IMMP2L: variants seen among roughly 807,000 people sequenced by gnomAD.
IMMP2L encodes the protein inner mitochondrial membrane peptidase subunit 2, also known as mitochondrial inner membrane protease subunit 2.
In IMMP2L, 18 loss-of-function variants were observed where a neutral mutation model predicts 19.3. The ratio of observed to expected loss-of-function variants is 0.93; its 90% CI spans 0.64 to 1.38. IMMP2L has a LOEUF of 1.38. Among genes scored for constraint, IMMP2L ranks in the 40% most tolerant of loss-of-function variants. The probability of loss-of-function intolerance (pLI) is 0.00; values close to 1 mark genes in which losing one functional copy is unlikely to be tolerated. For missense variants in IMMP2L, 233 were observed against 218.2 expected, an observed-to-expected ratio of 1.07 and a Z score of -0.43; for synonymous variants, 76 against 73.0, an observed-to-expected ratio of 1.04 and a Z score of -0.21.
At chr7:111,181,949 T>C (rs1807756929) in intron 3 of IMMP2L, among the ~76,000 whole-genome samples, 1 of 152,032 alleles carries the variant, frequency 6.6e-6, no homozygotes, top group Non-Finnish European at 1.5e-5. Flanking sequence ...AATAAAATTA[T>C]TGGGCTTCAA....
At chr7:110,791,480 T>C (rs1183899181) in intron 5 of IMMP2L, among the ~76,000 whole-genome samples, 8 of 150,492 alleles carry the variant, frequency 5.3e-5, no homozygotes, top group Non-Finnish European at 2.9e-5. Context: ...ATGATAATTA[T>C]TCTGACATAC....
chr7:110,837,546 A>G (rs1458883429), intron 5 of IMMP2L, among the ~76,000 whole-genome samples: 1 of 152,048 alleles, frequency 6.6e-6, no homozygotes, highest in African/African-American at 2.4e-5. Context: ...GGGAAGATGA[A>G]GTTATTATTA....
chr7:110,687,679 CT>C (rs145409584), intron 5 of IMMP2L, among the ~76,000 whole-genome samples: 28,919 of 151,958 alleles, frequency 0.19, 3,082 homozygotes, highest in Admixed American at 0.26. Context: ...AAATGTTACA[CT>C]TTTTGATGAA....
intron 1 of IMMP2L, among the ~76,000 whole-genome samples, chr7:111,530,053 A>T (rs962550209): frequency 3.9e-5 from 6 of 152,200 alleles, no homozygotes; most frequent in Non-Finnish European, 8.8e-5. Context: ...CTTCAGAAGC[A>T]GCATCAGCAA....
intron 5 of IMMP2L, among the ~76,000 whole-genome samples, chr7:110,784,817 G>A (rs1288834600): frequency 6.6e-6 from 1 of 151,790 alleles, no homozygotes; most frequent in African/African-American, 2.4e-5. Flanking sequence ...GCTCTACTTA[G>A]AGCTCCCCTG....
At chr7:110,850,661 A>C (rs77509222) in intron 5 of IMMP2L, among the ~76,000 whole-genome samples, 30 of 152,060 alleles carry the variant, frequency 2.0e-4, no homozygotes, top group African/African-American at 7.2e-4. Context: ...TGTAACACTA[A>C]CACTATAACA....
chr7:110,895,891 C>A (rs999935119), intron 4 of IMMP2L, among the ~76,000 whole-genome samples: 3 of 152,116 alleles, frequency 2.0e-5, no homozygotes, highest in Non-Finnish European at 4.4e-5. Context: ...TTGCTAAACT[C>A]TCTTATTCTA....
chr7:111,494,579 G>C (rs752249091), intron 2 of IMMP2L, among the ~76,000 whole-genome samples: 11 of 152,180 alleles, frequency 7.2e-5, no homozygotes, highest in Non-Finnish European at 1.0e-4. Context: ...AGAAAACTAT[G>C]TTCAAATCTT....
intron 3 of IMMP2L, among the ~76,000 whole-genome samples, chr7:111,180,831 G>C (rs1194483359): frequency 6.6e-6 from 1 of 151,916 alleles, no homozygotes; most frequent in Non-Finnish European, 1.5e-5. Context: ...TATAAATTGA[G>C]AAAAAATTTG....
intron 3 of IMMP2L, among the ~76,000 whole-genome samples, chr7:111,304,801 A>T (rs1822684238): frequency 6.6e-6 from 1 of 151,832 alleles, no homozygotes; most frequent in South Asian, 2.1e-4. Context: ...TTTAAAAAAT[A>T]TATAATTAGA....
At chr7:111,087,964 G>A (rs548364258) in intron 3 of IMMP2L, among the ~76,000 whole-genome samples, 1 of 152,228 alleles carries the variant, frequency 6.6e-6, no homozygotes, top group Non-Finnish European at 1.5e-5. Context: ...GACATGCAGA[G>A]ATAATACTTT....
chr7:111,174,879 G>A (rs1319336401), intron 3 of IMMP2L, among the ~76,000 whole-genome samples: 2 of 151,790 alleles, frequency 1.3e-5, no homozygotes, highest in South Asian at 2.1e-4. Flanking sequence ...TCCTTTAAGT[G>A]GGCTAGATTT....
chr7:110,682,485 A>G (rs533107814), intron 5 of IMMP2L, among the ~76,000 whole-genome samples: 2 of 152,196 alleles, frequency 1.3e-5, no homozygotes, highest in Non-Finnish European at 2.9e-5. Flanking sequence ...TGATTAGATG[A>G]ATAAATGAAA....
intron 3 of IMMP2L, among the ~76,000 whole-genome samples, chr7:111,333,759 C>T (rs922651570): frequency 6.6e-6 from 1 of 152,108 alleles, no homozygotes; most frequent in African/African-American, 2.4e-5. Context: ...ACATCTTTCT[C>T]CCGTGCTGGG....
chr7:111,243,415 C>A (rs1345381087), intron 3 of IMMP2L, among the ~76,000 whole-genome samples: 1 of 151,810 alleles, frequency 6.6e-6, no homozygotes, highest in Admixed American at 6.6e-5. Flanking sequence ...TAGTAATTTC[C>A]ACAATAGGTT....
At chr7:111,115,635 A>T (rs1799792643) in intron 3 of IMMP2L, among the ~76,000 whole-genome samples, 1 of 151,660 alleles carries the variant, frequency 6.6e-6, no homozygotes, top group African/African-American at 2.4e-5. Context: ...AGACATTTGC[A>T]ATTATTTTTT....
intron 5 of IMMP2L, among the ~76,000 whole-genome samples, chr7:110,786,169 G>C (rs151074311): frequency 6.6e-6 from 1 of 151,930 alleles, no homozygotes; most frequent in Non-Finnish European, 1.5e-5. Flanking sequence ...TTCATATAAA[G>C]AAATTAGTTT....
chr7:111,095,512 T>C (rs1258522461), intron 3 of IMMP2L, among the ~76,000 whole-genome samples: 1 of 152,030 alleles, frequency 6.6e-6, no homozygotes, highest in African/African-American at 2.4e-5. Flanking sequence ...TATTCAATAA[T>C]AGAAGCAACG....
At chr7:111,057,780 A>G (rs1186333188) in intron 3 of IMMP2L, among the ~76,000 whole-genome samples, 3 of 152,218 alleles carry the variant, frequency 2.0e-5, no homozygotes, top group Non-Finnish European at 4.4e-5. Flanking sequence ...TGCAACCTCT[A>G]ATTATTTGGC....
Sources: gnomAD v4.1 joint callset for allele counts (sites outside exome capture counted in the v4.1 genomes callset) on GRCh38, gnomAD v4.1.1 for gene constraint, MANE v1.5 for transcripts, NCBI Gene and HGNC (gene_info 2026-07-23, HGNC 2026-07-21) for gene names.